ZNF491: variants seen among roughly 807,000 people sequenced by gnomAD.
The protein encoded by ZNF491 is zinc finger protein 491.
ZNF491 carries 22 observed loss-of-function variants against 34.7 expected under a neutral mutation model. That is an observed-to-expected ratio of 0.63 (90% CI 0.45 to 0.90). ZNF491 has a LOEUF of 0.90. Ranked by LOEUF, ZNF491 falls within the 40% of genes least tolerant of loss-of-function variation. The pLI, the probability that ZNF491 is intolerant of heterozygous loss-of-function variation, is 0.00. For synonymous variants in ZNF491, 148 were observed against 174.3 expected, an observed-to-expected ratio of 0.85 and a Z score of 1.19; for missense variants, 559 against 531.7, an observed-to-expected ratio of 1.05 and a Z score of -0.51.
chr19:11,806,488 A>G lies in ZNF491; in HGVS notation c.535A>G (p.Arg179Gly). 2 of 1,614,012 alleles carry G rather than the reference A, an allele frequency of 1.2e-6. No homozygotes were observed. The highest frequency in any genetic ancestry group is 1.7e-6 in the Non-Finnish European group (2 of 1,179,960). Reference sequence around the variant, plus strand: ...GCACAGTTCTGTTCGAATCCATGAAAGAACTCACACTGGGGAGAAGCCATA... The same window carrying G: ...GCACAGTTCTGTTCGAATCCATGAAGGAACTCACACTGGGGAGAAGCCATA... ...SWHSSVRIHE[R>G]THTGEKPYEC... Residue 179 changes from arginine to glycine, a missense_variant, in exon 3 of 3, where the codon AGA becomes GGA. By Grantham distance (125) the Arg-to-Gly change is moderately radical. Coordinates refer to ENST00000323169, the MANE Select transcript of ZNF491 (RefSeq NM_152356.4).
chr19:11,801,536 TC>T (rs1187254388), intron 1 of ZNF491, among the ~76,000 whole-genome samples: 1 of 152,154 alleles, frequency 6.6e-6, no homozygotes, highest in Non-Finnish European at 1.5e-5. Context: ...ATGCCTATAG[TC>T]CCAGCTACTC....
At position 11,806,859 on chromosome 19, in the gene ZNF491, G is replaced by A. The variant is rs373262394; in HGVS notation, c.906G>A (p.Lys302=). The A allele has an allele frequency of 2.5e-5, 41 of 1,609,478 alleles. No individual in the cohort carries two copies. The highest frequency in any genetic ancestry group is 2.9e-5 in the Non-Finnish European group (34 of 1,178,236). The change falls in exon 3 of 3, where the codon AAG becomes AAA. Residue 302 remains lysine (K), a synonymous_variant. Coordinates refer to ENST00000323169, the MANE Select transcript of ZNF491 (RefSeq NM_152356.4). The part of the protein sequence containing the change: ...SHTGEKPYKC[K]QCGKAFTCST... ...CTGGAGAGAAACCCTACAAATGCAAGCAATGTGGGAAAGCCTTCACTTGTT... is the reference window on the plus strand; with the variant it reads ...CTGGAGAGAAACCCTACAAATGCAAACAATGTGGGAAAGCCTTCACTTGTT...
At chr19:11,800,515 C>CTTT (rs529515412) in intron 1 of ZNF491, among the ~76,000 whole-genome samples, 6 of 123,810 alleles carry the variant, frequency 4.8e-5, no homozygotes, top group East Asian at 2.3e-4. Context: ...ATAAGGAAAA[C>CTTT]TTTTTTTTTT....
chr19:11,801,609 C>T (rs182006358), intron 1 of ZNF491, among the ~76,000 whole-genome samples: 3 of 152,276 alleles, frequency 2.0e-5, no homozygotes, highest in East Asian at 3.9e-4. Context: ...GAACCAAGAT[C>T]GCGCCATTGC....
chr19:11,798,708 C>A lies in ZNF491; in HGVS notation c.-153C>A, dbSNP rs1464732217. 2 of 152,392 alleles carry A rather than the reference C, an allele frequency of 1.3e-5. No individual in the cohort carries two copies. The highest frequency in any genetic ancestry group is 4.8e-5 in the African/African-American group (2 of 41,468). 9.4% of individuals were successfully genotyped at this position (152,392 alleles called of 1,614,324 possible). ...CGGAGTCATAAAGAGGACGCCGGGA[C>A]ACCAAGAAGCAGGGAAATGGTAAAG... On this transcript the variant is annotated 5_prime_UTR_variant, in exon 1 of 3. Transcript: ENST00000323169. The surrounding 1 kb of genome is among the most constrained non-coding windows in gnomAD (Gnocchi z 4.0).
rs1307416766 is a variant in ZNF491, at chr19:11,806,263, G to T, written c.310G>T (p.Asp104Tyr). ...GCCTCACACTAGAGAGAAACCTTTT[G>T]ATTGTAAGGAATGTGAAAAATCTTT... ...ERPHTREKPFDCKECEKSFIS... is the reference protein window; with the variant it reads ...ERPHTREKPFYCKECEKSFIS... Residue 104 changes from aspartate (D) to tyrosine (Y), a missense_variant, in exon 3 of 3, where the codon GAT becomes TAT. Transcript: ENST00000323169. 1 of 1,607,388 alleles carries T rather than the reference G, an allele frequency of 6.2e-7. No individual in the cohort carries two copies. The highest frequency in any genetic ancestry group is 1.3e-5 in the African/African-American group (1 of 74,304).
chr19:11,806,728 C>T lies in ZNF491; in HGVS notation c.775C>T (p.Arg259Ter), dbSNP rs148074279. The T allele has an allele frequency of 8.9e-5, 144 of 1,613,798 alleles. No individual in the cohort carries two copies. The African/African-American group carries it at 1.1e-3, about 13-fold the overall frequency. ...GKALSRLISF[R>*]RHMRMHTGER... Reference sequence around the variant, plus strand: ...AGCATTATCTCGCCTTATAAGCTTTCGAAGACACATGAGAATGCACACTGG... The same window carrying T: ...AGCATTATCTCGCCTTATAAGCTTTTGAAGACACATGAGAATGCACACTGG... The change falls in exon 3 of 3, where the codon CGA becomes TGA. Residue 259 changes from arginine to a stop codon, truncating the protein, a stop_gained. Coordinates refer to ENST00000323169, the MANE Select transcript of ZNF491 (RefSeq NM_152356.4). LOFTEE classifies it high-confidence loss of function.
At position 11,807,124 on chromosome 19, in the gene ZNF491, G is replaced by A. The variant is rs376370878; in HGVS notation, c.1171G>A (p.Ala391Thr). The A allele has an allele frequency of 6.2e-7, 1 of 1,612,700 alleles. No individual in the cohort carries two copies. Among genetic ancestry groups the A allele is most frequent in the Admixed American group, 1.7e-5 (1 of 59,662 alleles). Residue 391 changes from alanine (A) to threonine (T), a missense_variant, in exon 3 of 3, where the codon GCC becomes ACC. Coordinates refer to ENST00000323169, the MANE Select transcript of ZNF491 (RefSeq NM_152356.4). The stretch of plus-strand genomic sequence containing the variant: ...TTATGAATGTAAGCATTGTGGGAAA[G>A]CCTTCACTTGTTCCATATATATTAG... ...KPYECKHCGK[A>T]FTCSIYIRIH...
At chr19:11,805,405 G>A (rs1342251756) in intron 2 of ZNF491, among the ~76,000 whole-genome samples, 34 of 95,008 alleles carry the variant, frequency 3.6e-4, no homozygotes, top group Admixed American at 6.8e-4. Context: ...GCAAAACTCC[G>A]TCTCAAAAAA....
At position 11,808,042 on chromosome 19, in the gene ZNF491, CAA is replaced by C. The variant is rs769138289; in HGVS notation, c.*776_*777del. On this transcript the variant is annotated 3_prime_UTR_variant, in exon 3 of 3. Coordinates refer to ENST00000323169, the MANE Select transcript of ZNF491 (RefSeq NM_152356.4). ...GTTATCTTTGATTATATGTGATTGA[CAA>C]TGTGTATTTTTGAGGGAGCAAAGAT... 5 of 167,068 alleles carry C rather than the reference CAA, an allele frequency of 3.0e-5. No individual in the cohort carries two copies. Among genetic ancestry groups the C allele is most frequent in the Non-Finnish European group, 5.9e-5 (4 of 68,130 alleles). 10.3% of individuals were successfully genotyped at this position (167,068 alleles called of 1,614,324 possible). A position where few individuals can be genotyped will look rare whatever the true frequency, so the allele number is the denominator to read the frequency against.
intron 1 of ZNF491, among the ~76,000 whole-genome samples, chr19:11,802,939 T>A (rs765775025): frequency 6.6e-6 from 1 of 151,856 alleles, no homozygotes; most frequent in Non-Finnish European, 1.5e-5. Context: ...AGGAAACACA[T>A]CTTTCTCTCC....
At chr19:11,805,870 G>C in intron 2 of ZNF491, 77 bp from the exon 3 acceptor site, 1 of 1,216,638 alleles carries the variant, frequency 8.2e-7, no homozygotes. Flanking sequence ...CATTAAAAAT[G>C]CAAGTGTAAT....
Position 11,807,354 on chromosome 19 carries a change from C to A in ZNF491, c.*87C>A. 3 of 929,220 alleles carry A rather than the reference C, an allele frequency of 3.2e-6. No individual in the cohort carries two copies. The highest frequency in any genetic ancestry group is 4.6e-6 in the Non-Finnish European group (3 of 646,240). The allele number at this position is 929,220 out of a possible 1,614,324, so 57.6% of individuals were successfully genotyped here. On this transcript the variant is annotated 3_prime_UTR_variant, in exon 3 of 3. Coordinates refer to ENST00000323169, the MANE Select transcript of ZNF491 (RefSeq NM_152356.4). ...TTGGTCTTGAACTCCTGGCCTCAAGCATCCCTCCCAGCTTGAAGTGTCAAT... is the reference window on the plus strand; with the variant it reads ...TTGGTCTTGAACTCCTGGCCTCAAGAATCCCTCCCAGCTTGAAGTGTCAAT...
At position 11,806,467 on chromosome 19, in the gene ZNF491, A is replaced by T; in HGVS notation, c.514A>T (p.Ser172Cys). Residue 172 changes from serine (S) to cysteine (C), a missense_variant, in exon 3 of 3, where the codon AGT (serine) becomes TGT (cysteine). By Grantham distance (112) the Ser-to-Cys change is moderately radical (BLOSUM62 -1). Transcript: ENST00000323169. Reference protein sequence around the residue: ...KQCGKAFSWHSSVRIHERTHT... With the variant: ...KQCGKAFSWHCSVRIHERTHT... ...ATGTGGTAAAGCCTTCAGTTGGCAC[A>T]GTTCTGTTCGAATCCATGAAAGAAC... 6.2e-7 allele frequency: 1 copy of T among 1,613,750 alleles called. No individual in the cohort carries two copies. Among genetic ancestry groups the T allele is most frequent in the Non-Finnish European group, 8.5e-7 (1 of 1,179,860 alleles).
At chr19:11,799,324 T>A (rs1033507375) in intron 1 of ZNF491, 8 of 152,138 alleles carry the variant, frequency 5.3e-5, no homozygotes, top group African/African-American at 1.9e-4. Flanking sequence ...ATGGCCCATT[T>A]GGGAAAACAC....
chr19:11,799,409 C>G (rs2145094831), intron 1 of ZNF491: 1 of 151,728 alleles, frequency 6.6e-6, no homozygotes, highest in South Asian at 2.1e-4. Flanking sequence ...AGAAATTTAA[C>G]AGGATTACAA....
Position 11,804,658 on chromosome 19 carries a change from A to G in ZNF491, c.-17A>G, listed in dbSNP as rs1292458514. ...GATGCAGGAAACCTTCACGAACCTC[A>G]TCTGTATAGGTAGGGGTGACAATAT... On this transcript the variant is annotated 5_prime_UTR_variant, in exon 2 of 3. Coordinates refer to ENST00000323169, the MANE Select transcript of ZNF491 (RefSeq NM_152356.4). 1.4e-6 allele frequency: 2 copies of G among 1,391,384 alleles called. No individual in the cohort carries two copies. 86.2% of individuals were successfully genotyped at this position (1,391,384 alleles called of 1,614,324 possible). A position where few individuals can be genotyped will look rare whatever the true frequency, so the allele number is the denominator to read the frequency against.
chr19:11,798,899 G>A lies in ZNF491; in HGVS notation c.-134+172G>A, dbSNP rs1205301589. 2.0e-5 allele frequency among the ~76,000 whole-genome samples: 3 copies of A among 152,178 alleles called. No homozygotes were observed. The highest frequency in any genetic ancestry group is 4.4e-5 in the Non-Finnish European group (3 of 68,026). ...CCGCTCGGCCGCCAGGTGGGGCTGG[G>A]CCCGCAGCTGGGACCCCGGGCGTCC... On this transcript the variant is annotated intron_variant, in intron 1 of 2. Coordinates refer to ENST00000323169, the MANE Select transcript of ZNF491 (RefSeq NM_152356.4). This position sits in a 1 kb window ranked among gnomAD's most constrained non-coding sequence, Gnocchi z 4.0.
intron 1 of ZNF491, among the ~76,000 whole-genome samples, chr19:11,803,539 C>T (rs2145098278): frequency 6.6e-6 from 1 of 152,304 alleles, no homozygotes; most frequent in African/African-American, 2.4e-5. Context: ...TCTCATGTCT[C>T]CTTGATCTGC....
Sources: gnomAD v4.1 joint callset for allele counts (sites outside exome capture counted in the v4.1 genomes callset) on GRCh38, gnomAD v4.1.1 for gene constraint, Gnocchi (gnomAD v3.1) non-coding constraint, MANE v1.5 for transcripts, NCBI Gene and HGNC (gene_info 2026-07-23, HGNC 2026-07-21) for gene names.